Variants in SYNE1 observed in about 807,000 individuals in gnomAD.
SYNE1 encodes the protein nesprin-1.
A neutral mutation model predicts 1,111.0 loss-of-function variants in SYNE1; 616 were observed. The ratio of observed to expected loss-of-function variants is 0.55; its 90% CI spans 0.52 to 0.59. The LOEUF is 0.59. Ranked by LOEUF, SYNE1 falls within the 20% of genes least tolerant of loss-of-function variation. The pLI is 0.00. For synonymous variants in SYNE1, 3,855 were observed against 3,825.8 expected (o/e 1.01, Z -0.28); for missense variants, 10,006 against 10,417.0 (o/e 0.96, Z 1.72).
At chr6:152,124,151 C>G (rs2052490499) in intron 145 of SYNE1, among the ~76,000 whole-genome samples, 1 of 152,102 alleles carries the variant, frequency 6.6e-6, no homozygotes, top group African/African-American at 2.4e-5. Context: ...GGTAAAAATA[C>G]AAAAATTAGT....
chr6:152,132,264 G>C, intron 143 of SYNE1, 50 bp from the exon 144 acceptor site: 1 of 1,528,408 alleles, frequency 6.5e-7, no homozygotes, highest in Non-Finnish European at 9.1e-7. Flanking sequence ...AGACCCATGG[G>C]GGCCCTCTGT....
chr6:152,141,799 G>A (rs562798204), intron 138 of SYNE1, among the ~76,000 whole-genome samples: 4 of 152,172 alleles, frequency 2.6e-5, no homozygotes, highest in East Asian at 3.9e-4. Flanking sequence ...GGCTGGGCAC[G>A]GTGGCTCCTG....
intron 11 of SYNE1, among the ~76,000 whole-genome samples, 185 bp downstream of exon 11, chr6:152,498,557 T>C (rs1348046080): frequency 6.6e-6 from 1 of 152,172 alleles, no homozygotes; most frequent in East Asian, 1.9e-4. Flanking sequence ...GCTTAGACTA[T>C]CACTAACATT....
chr6:152,461,507 C>T, intron 21 of SYNE1, 90 bp downstream of exon 21: 2 of 1,507,810 alleles, frequency 1.3e-6, no homozygotes, highest in South Asian at 1.1e-5. Flanking sequence ...AACAAGTAAA[C>T]ACTTTGCCCA....
At chr6:152,369,432 A>C (rs772399617) in intron 60 of SYNE1, 39 bp downstream of exon 60, 9 of 1,614,022 alleles carry the variant, frequency 5.6e-6, no homozygotes, top group Non-Finnish European at 7.6e-6. Context: ...ACGGACAAAG[A>C]CTAGGTCAGA....
chr6:152,465,368 G>T lies in SYNE1; in HGVS notation c.1822C>A (p.Leu608Met), dbSNP rs1235778969. The change falls in exon 18 of 146, where the codon CTG (leucine) becomes ATG (methionine). Residue 608 changes from leucine to methionine, a missense_variant. Leu to Met is a conservative substitution (Grantham distance 15, BLOSUM62 2). This residue lies in a region of SYNE1 where 1,971 missense variants were observed against 2,084.1 expected (regional missense o/e 0.95). Coordinates refer to ENST00000367255, the MANE Select transcript of SYNE1 (RefSeq NM_182961.4). ...TCCCAGTTAGAGATCACTTCTTCCA[G>T]CATGCTCCTCACACTCCTCACTTCT... ...SVEVRSVRSM[L>M]EEVISNWDRY... The T allele has an allele frequency of 6.2e-7, 1 of 1,613,728 alleles. No individual in the cohort carries two copies. The highest frequency in any genetic ancestry group is 8.5e-7 in the Non-Finnish European group (1 of 1,179,826).
chr6:152,465,395 C>G lies in SYNE1; in HGVS notation c.1795G>C (p.Val599Leu), dbSNP rs778770059. 6.2e-7 allele frequency: 1 copy of G among 1,613,696 alleles called. No homozygotes were observed. ...ATGCTCCTCACACTCCTCACTTCTACTGAGAGATTCCTCCACTGAGCGGTG... is the reference window on the plus strand; with the variant it reads ...ATGCTCCTCACACTCCTCACTTCTAGTGAGAGATTCCTCCACTGAGCGGTG... Reference protein sequence around the residue: ...ETTAQWRNLSVEVRSVRSMLE... With the variant: ...ETTAQWRNLSLEVRSVRSMLE... The change falls in exon 18 of 146, where the codon GTA becomes CTA. Residue 599 changes from valine (V) to leucine (L), a missense_variant. Val to Leu is a conservative substitution (Grantham distance 32). This residue lies in a region of SYNE1 where 1,971 missense variants were observed against 2,084.1 expected (regional missense o/e 0.95). Transcript: ENST00000367255.
At chr6:152,550,573 AGAG>A (rs1371875290) in intron 3 of SYNE1, among the ~76,000 whole-genome samples, 2 of 151,148 alleles carry the variant, frequency 1.3e-5, no homozygotes, top group African/African-American at 2.4e-5. Context: ...GGTGTGGGAG[AGAG>A]GAGGGGACAG....
In SYNE1 at chr6:152,218,585, T is replaced by C. The variant is rs73783803; in HGVS notation, c.22045-182A>G. On this transcript the variant is annotated intron_variant, in intron 120 of 145. Transcript: ENST00000367255. The stretch of plus-strand genomic sequence containing the variant: ...CAATTTAAATCTTCTTTATGTAATT[T>C]TTCTAAAAACTATAATTATTTCTAT... Among the ~76,000 whole-genome samples the C allele has an allele frequency of 0.017, 2,558 of 152,294 alleles. 67 individuals are homozygous for C. Among genetic ancestry groups the C allele is most frequent in the African/African-American group, 0.059 (2,456 of 41,552 alleles).
rs150555877 is a variant in SYNE1, at chr6:152,499,730, T to G, written c.889-938A>C. Among the ~76,000 whole-genome samples the G allele has an allele frequency of 7.9e-5, 12 of 152,284 alleles. No homozygotes were observed. In the South Asian group the frequency reaches 8.3e-4, roughly 11 times the overall value. ...CAGTTTTAGATGTTTATGTACTACA[T>G]GACAAATGCCACTAAAAAAGGGCGA... On this transcript the variant is annotated intron_variant, in intron 10 of 145. Transcript: ENST00000367255.
At chr6:152,269,123 T>A in intron 99 of SYNE1, 32 bp downstream of exon 99, 1 of 1,614,128 alleles carries the variant, frequency 6.2e-7, no homozygotes, top group Non-Finnish European at 8.5e-7. Flanking sequence ...TGGGCAGATC[T>A]GCAAGCTAGA....
In SYNE1 at chr6:152,309,841, G is replaced by T. The variant is rs2095495224; in HGVS notation, c.17196C>A (p.Ile5732=). Residue 5732 remains isoleucine (I), a synonymous_variant, in exon 90 of 146, where the codon ATC becomes ATA. Transcript: ENST00000367255. ...GTGGGTACCCTGCACCTGCCTGCAT[G>T]ATGTTACACTGCTGGATGGCGGTGT... ...LQHTAIQQCN[I]MQEAVVQYEQ... The T allele has an allele frequency of 2.5e-6, 4 of 1,613,778 alleles. No homozygotes were observed. The highest frequency in any genetic ancestry group is 2.5e-6 in the Non-Finnish European group (3 of 1,180,040).
intron 24 of SYNE1, among the ~76,000 whole-genome samples, chr6:152,454,837 A>C (rs2098683293): frequency 6.6e-6 from 1 of 152,216 alleles, no homozygotes; most frequent in Non-Finnish European, 1.5e-5. Context: ...ATAGCCACTG[A>C]AATGTCAGGA....
Position 152,458,824 on chromosome 6 carries a change from A to T in SYNE1, c.2501T>A (p.Ile834Asn), listed in dbSNP as rs774779391. 1.9e-6 allele frequency: 3 copies of T among 1,614,006 alleles called. No individual in the cohort carries two copies. The highest frequency in any genetic ancestry group is 2.5e-6 in the Non-Finnish European group (3 of 1,179,980). ...MTSFYDSLGK[I>N]NEIITVLERE... ...CTCAAGAACTGTGATAATTTCATTG[A>T]TTTTCCCAAGTGAGTCATAAAAGGA... The change falls in exon 22 of 146, where the codon ATC becomes AAC. Residue 834 changes from isoleucine (I) to asparagine (N), a missense_variant. Ile to Asn is a moderately radical substitution (Grantham distance 149). Coordinates refer to ENST00000367255, the MANE Select transcript of SYNE1 (RefSeq NM_182961.4).
intron 145 of SYNE1, chr6:152,128,181 T>C (rs1487802548): frequency 1.3e-5 from 2 of 152,190 alleles, no homozygotes; most frequent in East Asian, 3.8e-4. Context: ...AAGTCAAACG[T>C]AGGGAAAAAG....
chr6:152,321,841 C>T lies in SYNE1; in HGVS notation c.15963G>A (p.Glu5321=). 1 of 1,614,062 alleles carries T rather than the reference C, an allele frequency of 6.2e-7. No individual in the cohort carries two copies. The highest frequency in any genetic ancestry group is 8.5e-7 in the Non-Finnish European group (1 of 1,179,982). ...VKTNGKLVKQ[E]LKDREMVETQ... ...TCTCCACCATTTCTCGGTCCTTCAG[C>T]TCTTGCTTCACCAACTTTCCATTAG... Residue 5321 remains glutamate, a synonymous_variant, in exon 83 of 146, where the codon GAG becomes GAA. Coordinates refer to ENST00000367255, the MANE Select transcript of SYNE1 (RefSeq NM_182961.4).
chr6:152,167,706 G>A (rs773836237), intron 130 of SYNE1: 1 of 520,508 alleles, frequency 1.9e-6, no homozygotes, highest in Admixed American at 2.0e-5. Flanking sequence ...CAACTACAAA[G>A]CTGTGAACCA....
At chr6:152,414,863 G>A (rs2098128615) in intron 41 of SYNE1, among the ~76,000 whole-genome samples, 1 of 152,014 alleles carries the variant, frequency 6.6e-6, no homozygotes, top group Admixed American at 6.5e-5. Context: ...TTATTCTGGA[G>A]GCTATTTTTT....
rs1317750056 is a variant in SYNE1, at chr6:152,369,563, C to A, written c.9559G>T (p.Asp3187Tyr). ...ATCTTCTCAGTTTTACTCAGCCAGT[C>A]CTGGATAGGCTCAGCACTTACTTCA... ...DFEVSAEPIQ[D>Y]WLSKTEKMVH... Residue 3187 changes from aspartate (D) to tyrosine (Y), a missense_variant, in exon 60 of 146, where the codon GAC (aspartate) becomes TAC (tyrosine). Transcript: ENST00000367255. The A allele has an allele frequency of 6.2e-7, 1 of 1,614,064 alleles. No homozygotes were observed. Among genetic ancestry groups the A allele is most frequent in the East Asian group, 2.2e-5 (1 of 44,892 alleles).
Sources: allele counts gnomAD v4.1 joint callset (sites outside exome capture counted in the v4.1 genomes callset), GRCh38; gene constraint gnomAD v4.1.1; regional missense constraint gnomAD v4.1.1; transcripts MANE v1.5; gene names NCBI Gene and HGNC (gene_info 2026-07-23, HGNC 2026-07-21).